Variants in TFRC observed in about 807,000 individuals in gnomAD.
The protein encoded by TFRC is transferrin receptor, also known as transferrin receptor protein 1.
TFRC carries 35 observed loss-of-function variants against 85.8 expected under a neutral mutation model. The ratio of observed to expected loss-of-function variants is 0.41; its 90% CI spans 0.31 to 0.54. TFRC has a LOEUF of 0.54. Ranked by LOEUF, TFRC falls within the 20% of genes least tolerant of loss-of-function variation. TFRC has a pLI of 0.31. For synonymous variants in TFRC, 362 were observed against 328.6 expected (o/e 1.10, Z -1.10); for missense variants, 828 against 921.5 (o/e 0.90, Z 1.31).
chr3:196,079,468 G>C (rs1023018658), intron 1 of TFRC, among the ~76,000 whole-genome samples: 3 of 152,104 alleles, frequency 2.0e-5, no homozygotes, highest in African/African-American at 7.2e-5. Context: ...TACAAAATTA[G>C]CCGGGCATGG....
At position 196,077,095 on chromosome 3, in the gene TFRC, A is replaced by G; in HGVS notation, c.5T>C (p.Met2Thr). The G allele has an allele frequency of 6.2e-7, 1 of 1,613,830 alleles. No individual in the cohort carries two copies. Among genetic ancestry groups the G allele is most frequent in the Non-Finnish European group, 8.5e-7 (1 of 1,179,818 alleles). M[M>T]DQARSAFSNL... Reference sequence around the variant, plus strand: ...AGAGAATGCTGATCTAGCTTGATCCATCATTCTGAACTGCCACACAGAAGA... The same window carrying G: ...AGAGAATGCTGATCTAGCTTGATCCGTCATTCTGAACTGCCACACAGAAGA... The change falls in exon 2 of 19, where the codon ATG (methionine) becomes ACG (threonine). Residue 2 changes from methionine (M) to threonine (T), a missense_variant. Transcript: ENST00000360110.
In TFRC at chr3:196,049,600, A is replaced by C. The variant is rs1716124980; in HGVS notation, c.*2342T>G. The C allele has an allele frequency of 4.5e-6, 1 of 224,268 alleles. No individual in the cohort carries two copies. The highest frequency in any genetic ancestry group is 1.8e-4 in the South Asian group (1 of 5,476). 13.9% of individuals were successfully genotyped at this position (224,268 alleles called of 1,614,324 possible). A position where few individuals can be genotyped will look rare whatever the true frequency, so the allele number is the denominator to read the frequency against. ...GTTAGCACGTACTGGCTTGATAGGA[A>C]GTAACTCAACCCTAACTGTAGAAAA... On this transcript the variant is annotated 3_prime_UTR_variant, in exon 19 of 19. Coordinates refer to ENST00000360110, the MANE Select transcript of TFRC (RefSeq NM_001128148.3).
intron 3 of TFRC, 98 bp downstream of exon 3, chr3:196,075,061 A>AT (rs1307556590): frequency 5.7e-6 from 4 of 707,214 alleles, no homozygotes; most frequent in Non-Finnish European, 8.7e-6. Context: ...AAAAAAAAAA[A>AT]AAAAATAAGG....
intron 18 of TFRC, 66 bp downstream of exon 18, chr3:196,053,352 G>A: frequency 6.4e-7 from 1 of 1,571,332 alleles, no homozygotes; most frequent in Admixed American, 1.7e-5. Context: ...CCACTTTGCA[G>A]AAGTGTAAGA....
chr3:196,071,585 G>A lies in TFRC; in HGVS notation c.585-87C>T, dbSNP rs1330029690. 6 of 1,330,012 alleles carry A rather than the reference G, an allele frequency of 4.5e-6. No individual in the cohort carries two copies. In the African/African-American group the frequency reaches 7.3e-5, roughly 16 times the overall value. 82.4% of individuals were successfully genotyped at this position (1,330,012 alleles called of 1,614,324 possible). A position where few individuals can be genotyped will look rare whatever the true frequency, so the allele number is the denominator to read the frequency against. On this transcript the variant is annotated intron_variant, in intron 5 of 18. Coordinates refer to ENST00000360110, the MANE Select transcript of TFRC (RefSeq NM_001128148.3). The stretch of plus-strand genomic sequence containing the variant: ...ACATTTAGTATGTCTTGCATTATTT[G>A]GCTTGAGGAAATTTACCTCTAAATC...
At chr3:196,068,727 A>G (rs1717943269) in intron 7 of TFRC, among the ~76,000 whole-genome samples, 1 of 151,570 alleles carries the variant, frequency 6.6e-6, no homozygotes, top group African/African-American at 2.4e-5. Context: ...CAGGAGTTCA[A>G]GACCAGCCAG....
chr3:196,051,087 C>G lies in TFRC; in HGVS notation c.*855G>C, dbSNP rs1434113445. 2.3e-5 allele frequency: 5 copies of G among 214,860 alleles called. No homozygotes were observed. Among genetic ancestry groups the G allele is most frequent in the African/African-American group, 1.1e-4 (5 of 44,290 alleles). The allele number at this position is 214,860 out of a possible 1,614,324, so 13.3% of individuals were successfully genotyped here. ...AATAAATATCTCAGTGCCAAAAGGACAGAAAGCTCTCCCCTAAGATTAACA... is the reference window on the plus strand; with the variant it reads ...AATAAATATCTCAGTGCCAAAAGGAGAGAAAGCTCTCCCCTAAGATTAACA... On this transcript the variant is annotated 3_prime_UTR_variant, in exon 19 of 19. Transcript: ENST00000360110.
At chr3:196,075,567 TTTTTTTTTTTTTTTGA>T (rs1560090358) in intron 2 of TFRC, among the ~76,000 whole-genome samples, 1 of 138,162 alleles carries the variant, frequency 7.2e-6, no homozygotes, top group Non-Finnish European at 1.5e-5. Flanking sequence ...TTTTTGTAAA[TTTTTTTTTTTTTTTGA>T]GACAAGGTCT....
At chr3:196,069,314 T>G in intron 7 of TFRC, 141 bp downstream of exon 7, 1 of 601,394 alleles carries the variant, frequency 1.7e-6, no homozygotes, top group Non-Finnish European at 2.9e-6. Flanking sequence ...TTGTTGAGCA[T>G]TTTAATAAAT....
At position 196,058,376 on chromosome 3, in the gene TFRC, A is replaced by C; in HGVS notation, c.1596-11T>G. On this transcript the variant is annotated splice_polypyrimidine_tract_variant and intron_variant, in intron 15 of 18. Transcript: ENST00000360110. ...AAAGTGAGTTTCTCACTGCAAAGAC[A>C]AAGAATGTGTCTTTAGAAAGTGTTT... 1 of 1,611,588 alleles carries C rather than the reference A, an allele frequency of 6.2e-7. No homozygotes were observed.
chr3:196,070,796 AATAATAATAAT>A (rs1236734966), intron 6 of TFRC, among the ~76,000 whole-genome samples: 1 of 147,234 alleles, frequency 6.8e-6, no homozygotes, highest in East Asian at 1.9e-4. Flanking sequence ...TAATAATAAT[AATAATAATAAT>A]AAAATAAAAA....
At position 196,050,523 on chromosome 3, in the gene TFRC, A is replaced by G. The variant is rs1045745081; in HGVS notation, c.*1419T>C. ...ACCCTTAGTGTAACATATGGAGATC[A>G]CTGTCTCCGATACAGACACTGTGGT... On this transcript the variant is annotated 3_prime_UTR_variant, in exon 19 of 19. Coordinates refer to ENST00000360110, the MANE Select transcript of TFRC (RefSeq NM_001128148.3). 4.9e-6 allele frequency: 1 copy of G among 204,188 alleles called. No individual in the cohort carries two copies. Among genetic ancestry groups the G allele is most frequent in the Non-Finnish European group, 1.0e-5 (1 of 99,382 alleles). The allele number at this position is 204,188 out of a possible 1,614,324, so 12.6% of individuals were successfully genotyped here. A position where few individuals can be genotyped will look rare whatever the true frequency, so the allele number is the denominator to read the frequency against.
intron 1 of TFRC, among the ~76,000 whole-genome samples, chr3:196,077,761 A>G (rs1363230713): frequency 6.6e-5 from 10 of 152,318 alleles, no homozygotes; most frequent in Admixed American, 3.9e-4. Context: ...TCAAAAAAAA[A>G]AGAAAGTGAC....
At position 196,073,998 on chromosome 3, in the gene TFRC, TAA is replaced by T; in HGVS notation, c.364_365del (p.Leu122IlefsTer4). On this transcript the variant is annotated frameshift_variant, in exon 4 of 19. Transcript: ENST00000360110. LOFTEE classifies it high-confidence loss of function. Reference sequence around the variant, plus strand: ...ACTTTCTCTTCAGGTCATCCCAATATAAGCGACGTGCTGCAGGGAAGTCCTCT... The same window carrying T: ...ACTTTCTCTTCAGGTCATCCCAATATGCGACGTGCTGCAGGGAAGTCCTCT... ...PGEDFPAARR[L>X]YWDDLKRKLS... 6.2e-7 allele frequency: 1 copy of T among 1,614,204 alleles called. No homozygotes were observed. The highest frequency in any genetic ancestry group is 8.5e-7 in the Non-Finnish European group (1 of 1,180,040).
At position 196,065,329 on chromosome 3, in the gene TFRC, T is replaced by C. The variant is rs1050859613; in HGVS notation, c.1198+114A>G. 12 of 585,962 alleles carry C rather than the reference T, an allele frequency of 2.0e-5. No individual in the cohort carries two copies. In the East Asian group the frequency reaches 3.8e-4, roughly 18 times the overall value. 36.3% of individuals were successfully genotyped at this position (585,962 alleles called of 1,614,324 possible). A position where few individuals can be genotyped will look rare whatever the true frequency, so the allele number is the denominator to read the frequency against. On this transcript the variant is annotated intron_variant, in intron 10 of 18. Transcript: ENST00000360110. ...AGGACAGACAAGATTGAGCACTTCATAAAACCAAGCCAAGCCAGCATTCCT... is the reference window on the plus strand; with the variant it reads ...AGGACAGACAAGATTGAGCACTTCACAAAACCAAGCCAAGCCAGCATTCCT...
chr3:196,077,577 C>A (rs1011045464), intron 1 of TFRC, among the ~76,000 whole-genome samples: 2 of 152,016 alleles, frequency 1.3e-5, no homozygotes, highest in African/African-American at 4.8e-5. Context: ...CATGGAGAAA[C>A]CCTGTCTCTA....
At chr3:196,079,184 G>A (rs1282724720) in intron 1 of TFRC, among the ~76,000 whole-genome samples, 1 of 152,152 alleles carries the variant, frequency 6.6e-6, no homozygotes, top group Non-Finnish European at 1.5e-5. Flanking sequence ...CCAATCATTA[G>A]AGCCAGAACT....
intron 18 of TFRC, 23 bp downstream of exon 18, chr3:196,053,395 T>C (rs1716506200): frequency 6.2e-7 from 1 of 1,613,918 alleles, no homozygotes; most frequent in Non-Finnish European, 8.5e-7. Flanking sequence ...CTTTAGTTCC[T>C]CCTTTCCCAA....
intron 3 of TFRC, among the ~76,000 whole-genome samples, chr3:196,074,857 C>G (rs1318926898): frequency 6.9e-6 from 1 of 145,564 alleles, no homozygotes; most frequent in East Asian, 2.0e-4. Context: ...CCAGCCTGAG[C>G]CACAGAGTGA....
Sources: allele counts gnomAD v4.1 joint callset (sites outside exome capture counted in the v4.1 genomes callset), GRCh38; gene constraint gnomAD v4.1.1; transcripts MANE v1.5; gene names NCBI Gene and HGNC (gene_info 2026-07-23, HGNC 2026-07-21).